The following DCC variants were observed in gnomAD, a reference collection of about 807,000 sequenced individuals.
The protein encoded by DCC is netrin receptor DCC.
Under a neutral mutation model 172.5 loss-of-function variants are expected in DCC, and 58 were observed. That is an observed-to-expected ratio of 0.34 (90% CI 0.27 to 0.42). DCC has a LOEUF of 0.42. Among genes scored for constraint, DCC ranks in the 10% least tolerant of loss-of-function variants. The pLI, the probability that DCC is intolerant of heterozygous loss-of-function variation, is 1.00. For missense variants in DCC, 1,740 were observed against 1,791.0 expected (o/e 0.97, Z 0.51); for synonymous variants, 709 against 644.5 (o/e 1.10, Z -1.52).
chr18:52,429,461 G>A (rs1304484897), intron 1 of DCC, among the ~76,000 whole-genome samples: 1 of 152,082 alleles, frequency 6.6e-6, no homozygotes, highest in Non-Finnish European at 1.5e-5. Context: ...AGTGATAAGA[G>A]CATATTAATG....
intron 7 of DCC, among the ~76,000 whole-genome samples, chr18:53,098,553 T>C (rs573352215): frequency 6.6e-6 from 1 of 152,332 alleles, no homozygotes; most frequent in East Asian, 1.9e-4. Context: ...TTATGCATTT[T>C]GAGTTGGGCT....
intron 2 of DCC, among the ~76,000 whole-genome samples, chr18:52,879,334 A>G (rs1224461319): frequency 2.0e-5 from 3 of 151,416 alleles, no homozygotes; most frequent in Non-Finnish European, 1.5e-5. Context: ...ACACAAGTCA[A>G]TCATGCCAAA....
At chr18:52,483,691 A>G (rs1172185682) in intron 1 of DCC, among the ~76,000 whole-genome samples, 1 of 152,040 alleles carries the variant, frequency 6.6e-6, no homozygotes, top group Non-Finnish European at 1.5e-5. Flanking sequence ...TTTTAGAATC[A>G]TGTAAGTACT....
chr18:53,500,725 G>A (rs1377429789), intron 27 of DCC, among the ~76,000 whole-genome samples: 4 of 151,812 alleles, frequency 2.6e-5, no homozygotes, highest in African/African-American at 9.7e-5. Flanking sequence ...AAAGCATGTA[G>A]GATTCCATTG....
intron 1 of DCC, among the ~76,000 whole-genome samples, chr18:52,570,411 T>C (rs2033265235): frequency 6.6e-6 from 1 of 152,210 alleles, no homozygotes; most frequent in Non-Finnish European, 1.5e-5. Context: ...GACATGTTTC[T>C]GGGTTTGTTG....
chr18:53,358,518 T>C (rs892600294), intron 15 of DCC, among the ~76,000 whole-genome samples: 1 of 148,896 alleles, frequency 6.7e-6, no homozygotes, highest in South Asian at 2.1e-4. Flanking sequence ...ATGTAAGACA[T>C]ATTCTCTCTC....
intron 3 of DCC, among the ~76,000 whole-genome samples, chr18:52,910,640 G>A (rs2039958835): frequency 6.6e-6 from 1 of 152,112 alleles, no homozygotes; most frequent in Admixed American, 6.6e-5. Flanking sequence ...ATGTCTGAGT[G>A]CCAAGCAGGA....
chr18:53,097,028 C>A (rs2144203047), intron 7 of DCC, among the ~76,000 whole-genome samples: 1 of 152,236 alleles, frequency 6.6e-6, no homozygotes, highest in East Asian at 1.9e-4. Flanking sequence ...AGGTGGACTT[C>A]ACTGTACTTG....
intron 1 of DCC, among the ~76,000 whole-genome samples, chr18:52,549,006 A>G (rs2032692101): frequency 6.6e-6 from 1 of 151,974 alleles, no homozygotes; most frequent in Non-Finnish European, 1.5e-5. Context: ...TTTTTCTTTT[A>G]GAAGAAATCA....
rs182750233 is a variant in DCC at position 53,190,311 on chromosome 18, T to C, written c.1573+11195T>C. ...TCTTTCAACTTCAGAAGAATAGCAA[T>C]ACTTTGACCTGTAAAATATCCTGTA... On this transcript the variant is annotated intron_variant, in intron 9 of 28. Coordinates refer to ENST00000442544, the MANE Select transcript of DCC (RefSeq NM_005215.4). Among the ~76,000 whole-genome samples the C allele has an allele frequency of 1.3e-3, 192 of 152,278 alleles. 3 individuals are homozygous for C. The highest frequency in any genetic ancestry group is 4.4e-5 in the Non-Finnish European group (3 of 68,012).
intron 7 of DCC, among the ~76,000 whole-genome samples, chr18:53,116,881 G>A (rs910855820): frequency 6.6e-6 from 1 of 151,516 alleles, no homozygotes; most frequent in Non-Finnish European, 1.5e-5. Flanking sequence ...AGACTAAAGG[G>A]CAGATCCTCC....
At chr18:53,134,024 T>G (rs1159355902) in intron 7 of DCC, among the ~76,000 whole-genome samples, 2 of 152,108 alleles carry the variant, frequency 1.3e-5, no homozygotes, top group Non-Finnish European at 2.9e-5. Context: ...TGGAGTCAGA[T>G]GGGGTGGGAT....
At chr18:53,507,305 A>C (rs2046192683) in intron 27 of DCC, among the ~76,000 whole-genome samples, 1 of 152,226 alleles carries the variant, frequency 6.6e-6, no homozygotes, top group African/African-American at 2.4e-5. Context: ...GTGTTATGAA[A>C]AATCTAACAT....
At position 52,541,871 on chromosome 18, in the gene DCC, GTGTGTATATATATATATATATATA is replaced by G. The variant is rs1403466055; in HGVS notation, c.91+201009_91+201032del. Among the ~76,000 whole-genome samples, 61 of 35,340 alleles carry G rather than the reference GTGTGTATATATATATATATATATA, an allele frequency of 1.7e-3. 1 individual carries two copies. Among genetic ancestry groups the G allele is most frequent in the African/African-American group, 6.2e-3 (58 of 9,370 alleles). The allele number at this position is 35,340 out of a possible 152,430, so 23.2% of individuals were successfully genotyped here. On this transcript the variant is annotated intron_variant, in intron 1 of 28. Coordinates refer to ENST00000442544, the MANE Select transcript of DCC (RefSeq NM_005215.4). ...TGGCTTAAAAGTATATGATGTGTGT[GTGTGTATATATATATATATATATA>G]TGTGTATATATATATGTACACAATC...
At chr18:53,392,072 C>G (rs1908583367) in intron 17 of DCC, among the ~76,000 whole-genome samples, 185 bp downstream of exon 17, 1 of 152,080 alleles carries the variant, frequency 6.6e-6, no homozygotes, top group South Asian at 2.1e-4. Context: ...GGAAACAATT[C>G]TAAGGCAAGG....
At chr18:53,133,313 T>C (rs763488303) in intron 7 of DCC, among the ~76,000 whole-genome samples, 1 of 152,204 alleles carries the variant, frequency 6.6e-6, no homozygotes, top group Non-Finnish European at 1.5e-5. Flanking sequence ...TTAAATGTAG[T>C]ACAAATGCTG....
intron 5 of DCC, among the ~76,000 whole-genome samples, chr18:53,006,292 G>A (rs914966319): frequency 2.0e-5 from 3 of 152,234 alleles, no homozygotes; most frequent in African/African-American, 7.2e-5. Context: ...ATCCAGTCAG[G>A]TGTCTCCTAC....
intron 8 of DCC, among the ~76,000 whole-genome samples, chr18:53,175,699 C>T (rs1006931168): frequency 7.9e-5 from 12 of 152,196 alleles, no homozygotes; most frequent in African/African-American, 2.6e-4. Context: ...AATGGAAGAA[C>T]ATTCCATGCT....
At chr18:53,043,067 C>T (rs1048535960) in intron 5 of DCC, among the ~76,000 whole-genome samples, 2 of 151,914 alleles carry the variant, frequency 1.3e-5, no homozygotes. Flanking sequence ...GGAACCAACC[C>T]AAATGTCCAT....
Sources: allele counts gnomAD v4.1 joint callset (sites outside exome capture counted in the v4.1 genomes callset), GRCh38; gene constraint gnomAD v4.1.1; transcripts MANE v1.5; gene names NCBI Gene and HGNC (gene_info 2026-07-23, HGNC 2026-07-21).